The following EXOC2 variants were observed in gnomAD, a reference collection of about 807,000 sequenced individuals.
EXOC2 encodes SEC5-like 1.
A neutral mutation model predicts 131.8 loss-of-function variants in EXOC2; 70 were observed. The observed-to-expected ratio is 0.53, with a 90% confidence interval of 0.44 to 0.65. The LOEUF (loss-of-function observed/expected upper bound fraction) is 0.65. Ranked by LOEUF, EXOC2 falls within the 30% of genes least tolerant of loss-of-function variation. EXOC2 has a pLI of 0.00. For missense variants in EXOC2, 923 were observed against 1,108.6 expected, an observed-to-expected ratio of 0.83 and a Z score of 2.38; for synonymous variants, 411 against 398.4, an observed-to-expected ratio of 1.03 and a Z score of -0.38.
intron 1 of EXOC2, chr6:656,304 G>A: frequency 6.2e-7 from 1 of 1,614,196 alleles, no homozygotes; most frequent in Non-Finnish European, 8.5e-7. Flanking sequence ...CACACCCACA[G>A]CCGACTGGGG....
At chr6:643,881 A>G (rs2127726194) in intron 1 of EXOC2, among the ~76,000 whole-genome samples, 1 of 152,298 alleles carries the variant, frequency 6.6e-6, no homozygotes, top group East Asian at 1.9e-4. Flanking sequence ...ACATTTAAAT[A>G]GCAATAAAGA....
At chr6:541,006 T>C (rs1219739994) in intron 22 of EXOC2, among the ~76,000 whole-genome samples, 2 of 152,214 alleles carry the variant, frequency 1.3e-5, no homozygotes. Flanking sequence ...GTAATAGACA[T>C]CTGTGGAATG....
chr6:688,492 C>T (rs1308236243), intron 1 of EXOC2, among the ~76,000 whole-genome samples: 1 of 152,180 alleles, frequency 6.6e-6, no homozygotes, highest in Non-Finnish European at 1.5e-5. Context: ...ATCACAGAAG[C>T]GCCTGATAGA....
rs77699865 is a variant in EXOC2, at chr6:681,127, A to G, written c.-44+11892T>C. Reference sequence around the variant, plus strand: ...GTCTTTTAAACCAATAAATCTGGTCACAAGAGCAACTGCCAAAACCACTAT... The same window carrying G: ...GTCTTTTAAACCAATAAATCTGGTCGCAAGAGCAACTGCCAAAACCACTAT... On this transcript the variant is annotated intron_variant, in intron 1 of 27. Transcript: ENST00000230449. 2.3e-3 allele frequency among the ~76,000 whole-genome samples: 345 copies of G among 152,366 alleles called. 4 individuals are homozygous for G. The highest frequency in any genetic ancestry group is 7.9e-3 in the African/African-American group (329 of 41,598).
chr6:527,734 C>T (rs1765827389), intron 23 of EXOC2, among the ~76,000 whole-genome samples: 1 of 152,106 alleles, frequency 6.6e-6, no homozygotes, highest in South Asian at 2.1e-4. Flanking sequence ...ATTTCAATTA[C>T]TATAATTAGT....
chr6:627,028 A>T, intron 4 of EXOC2, among the ~76,000 whole-genome samples: 1 of 152,156 alleles, frequency 6.6e-6, no homozygotes. Flanking sequence ...GACATTAATA[A>T]ACAGAACTAA....
At chr6:600,912 T>C (rs549621579) in intron 7 of EXOC2, among the ~76,000 whole-genome samples, 2 of 152,350 alleles carry the variant, frequency 1.3e-5, no homozygotes, top group South Asian at 4.1e-4. Flanking sequence ...TGTAAATTAC[T>C]GTTCTGCTGT....
At position 486,705 on chromosome 6, in the gene EXOC2, A is replaced by T. The variant is rs139004699; in HGVS notation, c.2741T>A (p.Phe914Tyr). 7.4e-5 allele frequency: 120 copies of T among 1,614,216 alleles called. No homozygotes were observed. The highest frequency in any genetic ancestry group is 9.7e-5 in the Non-Finnish European group (115 of 1,180,028). Reference sequence around the variant, plus strand: ...CATCATGGTTGAAGAAGCTGCTTGGAAACAGGTGAGCTGCAAGTGCATGCT... The same window carrying T: ...CATCATGGTTGAAGAAGCTGCTTGGTAACAGGTGAGCTGCAAGTGCATGCT... ...KSSMHLQLTC[F>Y]QAASSTMMKT The change falls in exon 28 of 28, where the codon TTC becomes TAC. Residue 914 changes from phenylalanine (F) to tyrosine (Y), a missense_variant. Transcript: ENST00000230449.
rs542660140 is a variant in EXOC2 at position 509,557 on chromosome 6, G to GAAAAT, written c.2381-9862_2381-9858dup. Reference sequence around the variant, plus strand: ...ACAGCTATTTGACAAAACTTTTCATGAAAATAAAATAAAATTTTAATACGA... The same window carrying GAAAAT: ...ACAGCTATTTGACAAAACTTTTCATGAAAATAAAATAAAATAAAATTTTAATACGA... On this transcript the variant is annotated intron_variant, in intron 23 of 27. Transcript: ENST00000230449. 4.7e-4 allele frequency among the ~76,000 whole-genome samples: 71 copies of GAAAAT among 152,146 alleles called. No individual in the cohort carries two copies. The East Asian group carries it at 0.013, about 29-fold the overall frequency.
chr6:669,131 G>A lies in EXOC2; in HGVS notation c.-44+23888C>T, dbSNP rs529778691. 2.0e-5 allele frequency: 3 copies of A among 152,368 alleles called. No homozygotes were observed. In the South Asian group the frequency reaches 6.2e-4, roughly 32 times the overall value. 9.4% of individuals were successfully genotyped at this position (152,368 alleles called of 1,614,324 possible). A position where few individuals can be genotyped will look rare whatever the true frequency, so the allele number is the denominator to read the frequency against. On this transcript the variant is annotated intron_variant, in intron 1 of 27. Transcript: ENST00000230449. ...GGCTGATCTCCTGCACCATGTCCTT[G>A]GACTCCATGGAGCTCAGGATCTTCC... is the stretch of plus-strand genomic sequence containing the variant.
At chr6:656,201 C>G (rs1180121689) in intron 1 of EXOC2, 1 of 1,614,056 alleles carries the variant, frequency 6.2e-7, no homozygotes, top group Non-Finnish European at 8.5e-7. Context: ...ACAGGGCCGT[C>G]GTAGGATGTA....
chr6:596,527 C>A (rs1055258910), intron 10 of EXOC2, among the ~76,000 whole-genome samples: 1 of 150,364 alleles, frequency 6.7e-6, no homozygotes, highest in Non-Finnish European at 1.5e-5. Context: ...ATCCCCGCAT[C>A]TGGCTAATTT....
intron 1 of EXOC2, chr6:656,256 C>G: frequency 6.2e-7 from 1 of 1,614,248 alleles, no homozygotes; most frequent in South Asian, 1.1e-5. Context: ...ATTGTCCACC[C>G]GCACTTGCAC....
intron 23 of EXOC2, among the ~76,000 whole-genome samples, chr6:513,638 G>A (rs1233141060): frequency 6.6e-6 from 1 of 152,140 alleles, no homozygotes. Flanking sequence ...ATCATAGGCT[G>A]TCACACCATT....
At chr6:651,245 G>C (rs1180748433) in intron 1 of EXOC2, among the ~76,000 whole-genome samples, 1 of 152,052 alleles carries the variant, frequency 6.6e-6, no homozygotes, top group Non-Finnish European at 1.5e-5. Flanking sequence ...ATGTTAGCCA[G>C]GATGGTCTTG....
chr6:584,449 T>C (rs1048192672), intron 11 of EXOC2, among the ~76,000 whole-genome samples: 20 of 152,364 alleles, frequency 1.3e-4, no homozygotes, highest in African/African-American at 4.6e-4. Context: ...ACTGAAAATA[T>C]GGACTTTGTG....
At chr6:668,875 GTTGT>G (rs970424265) in intron 1 of EXOC2, among the ~76,000 whole-genome samples, 2 of 151,490 alleles carry the variant, frequency 1.3e-5, no homozygotes, top group Non-Finnish European at 2.9e-5. Context: ...TATTGTTTTT[GTTGT>G]TTTTTTATTG....
In EXOC2 at chr6:628,145, G is replaced by A. The variant is rs373293763; in HGVS notation, c.422+1690C>T. ...TCCTCGCATCGACCCTAAGGAACAGGTACTGCATTGTACACCTGAGGAAAC... is the reference window on the plus strand; with the variant it reads ...TCCTCGCATCGACCCTAAGGAACAGATACTGCATTGTACACCTGAGGAAAC... On this transcript the variant is annotated intron_variant, in intron 4 of 27. Transcript: ENST00000230449. Among the ~76,000 whole-genome samples the A allele has an allele frequency of 1.5e-4, 23 of 152,252 alleles. No individual in the cohort carries two copies. In the East Asian group the frequency reaches 2.9e-3, roughly 19 times the overall value.
At chr6:657,764 CAA>C (rs11319548) in intron 1 of EXOC2, among the ~76,000 whole-genome samples, 18,812 of 135,376 alleles carry the variant, frequency 0.14, 1,505 homozygotes, top group African/African-American at 0.25. Flanking sequence ...CTCTGGCAGG[CAA>C]AAAAAAAAAA....
Sources: gnomAD v4.1 joint callset for allele counts (sites outside exome capture counted in the v4.1 genomes callset) on GRCh38, gnomAD v4.1.1 for gene constraint, MANE v1.5 for transcripts, NCBI Gene and HGNC (gene_info 2026-07-23, HGNC 2026-07-21) for gene names.